Variants in RBFOX1 observed in about 807,000 individuals in gnomAD.
RBFOX1 encodes the protein RNA binding protein fox-1 homolog 1.
A neutral mutation model predicts 57.7 loss-of-function variants in RBFOX1; 8 were observed. That is an observed-to-expected ratio of 0.14 (90% CI 0.08 to 0.25). The LOEUF is 0.25. RBFOX1 is among the 10% of genes least tolerant of loss of function. The pLI, the probability that RBFOX1 is intolerant of heterozygous loss-of-function variation, is 1.00. For missense variants in RBFOX1, 611 were observed against 548.5 expected (o/e 1.11, Z -1.14); for synonymous variants, 326 against 222.4 (o/e 1.47, Z -4.15).
intron 3 of RBFOX1, among the ~76,000 whole-genome samples, chr16:6,726,949 G>T (rs1451840494): frequency 6.6e-6 from 1 of 151,686 alleles, no homozygotes; most frequent in Non-Finnish European, 1.5e-5. Context: ...ACTTTCTAAT[G>T]GCACAGCCTA....
intron 1 of RBFOX1, among the ~76,000 whole-genome samples, chr16:6,045,761 G>T (rs1488030632): frequency 6.6e-6 from 1 of 152,184 alleles, no homozygotes; most frequent in African/African-American, 2.4e-5. Context: ...TTAGGTGGAA[G>T]GTGTGGCTAC....
chr16:7,329,645 A>G (rs914547110), intron 4 of RBFOX1, among the ~76,000 whole-genome samples: 1 of 152,240 alleles, frequency 6.6e-6, no homozygotes, highest in African/African-American at 2.4e-5. Flanking sequence ...TACCGCAATC[A>G]TACAGGACAA....
chr16:5,585,790 T>A (rs1021132038), intron 2 of RBFOX1, among the ~76,000 whole-genome samples: 2 of 152,218 alleles, frequency 1.3e-5, no homozygotes, highest in Admixed American at 6.5e-5. Flanking sequence ...GAACTGCAGA[T>A]CCTTGGTCTT....
intron 1 of RBFOX1, among the ~76,000 whole-genome samples, chr16:5,448,158 T>C (rs1476197467): frequency 6.6e-6 from 1 of 152,210 alleles, no homozygotes; most frequent in Non-Finnish European, 1.5e-5. Context: ...GGCAGCCTAA[T>C]TTTTGGAAAT....
chr16:6,834,708 A>G (rs2092958852), intron 3 of RBFOX1, among the ~76,000 whole-genome samples: 2 of 152,170 alleles, frequency 1.3e-5, no homozygotes, highest in South Asian at 2.1e-4. Context: ...GCTAAGTGAT[A>G]TCTGGAGTTA....
chr16:5,817,005 A>G (rs1220494435), intron 3 of RBFOX1, among the ~76,000 whole-genome samples: 1 of 152,084 alleles, frequency 6.6e-6, no homozygotes, highest in African/African-American at 2.4e-5. Flanking sequence ...CTCTCCTCTC[A>G]TGCAAATAAA....
In RBFOX1 at chr16:6,471,340, T is replaced by C. The variant is rs559298766; in HGVS notation, c.-64+154283T>C. Among the ~76,000 whole-genome samples, 5 of 152,358 alleles carry C rather than the reference T, an allele frequency of 3.3e-5. No individual in the cohort carries two copies. In the South Asian group the frequency reaches 8.3e-4, roughly 25 times the overall value. On this transcript the variant is annotated intron_variant, in intron 2 of 15. Coordinates refer to ENST00000550418, the MANE Select transcript of RBFOX1 (RefSeq NM_018723.4). ...CAAGAGGCATCCTCTACCAAGTAGA[T>C]GCATAGCACAATTTATTCCATTCTG...
chr16:6,952,939 C>G (rs987318055), intron 3 of RBFOX1, among the ~76,000 whole-genome samples: 3 of 152,072 alleles, frequency 2.0e-5, no homozygotes, highest in African/African-American at 7.2e-5. Context: ...CCCCATTGCA[C>G]TCCAGCCTGG....
chr16:6,233,854 A>G (rs1056834668), intron 1 of RBFOX1, among the ~76,000 whole-genome samples: 2 of 152,124 alleles, frequency 1.3e-5, no homozygotes, highest in Admixed American at 1.3e-4. Context: ...TTCCTAAACC[A>G]TTTTATTACC....
In RBFOX1 at chr16:7,130,032, ATT is replaced by A. The variant is rs58634498; in HGVS notation, c.27+77951_27+77952del. The stretch of plus-strand genomic sequence containing the variant: ...CCTCTAATCTTCTTCATTTTTGAAG[ATT>A]TTTTTTTTTTTTTTTTGAGACAGAG... On this transcript the variant is annotated intron_variant, in intron 4 of 15. Coordinates refer to ENST00000550418, the MANE Select transcript of RBFOX1 (RefSeq NM_018723.4). Among the ~76,000 whole-genome samples, 626 of 133,300 alleles carry A rather than the reference ATT, an allele frequency of 4.7e-3. 13 individuals are homozygous for A. The East Asian group carries it at 0.068, about 15-fold the overall frequency. The allele number at this position is 133,300 out of a possible 152,430, so 87.4% of individuals were successfully genotyped here. A position where few individuals can be genotyped will look rare whatever the true frequency, so the allele number is the denominator to read the frequency against.
At chr16:6,274,378 T>A (rs2075566051) in intron 1 of RBFOX1, among the ~76,000 whole-genome samples, 1 of 151,906 alleles carries the variant, frequency 6.6e-6, no homozygotes, top group Admixed American at 6.6e-5. Flanking sequence ...CAAAAAGGAG[T>A]GGACTGTTGA....
At position 7,183,375 on chromosome 16, in the gene RBFOX1, C is replaced by G. The variant is rs975214333; in HGVS notation, c.27+131277C>G. On this transcript the variant is annotated intron_variant, in intron 4 of 15. Coordinates refer to ENST00000550418, the MANE Select transcript of RBFOX1 (RefSeq NM_018723.4). ...AGAAACAGAGGTAATTTTTTTCTAC[C>G]TGAAAATCTTTACCAGCACTTGAGG... Among the ~76,000 whole-genome samples, 34 of 152,124 alleles carry G rather than the reference C, an allele frequency of 2.2e-4. 1 individual carries two copies. The highest frequency in any genetic ancestry group is 2.2e-3 in the Admixed American group (34 of 15,272).
intron 3 of RBFOX1, among the ~76,000 whole-genome samples, chr16:5,645,479 G>A (rs73529737): frequency 0.041 from 6,297 of 152,236 alleles, 449 homozygotes; most frequent in African/African-American, 0.14. Flanking sequence ...TTTGCACACA[G>A]CTATGAATAT....
chr16:6,503,618 C>G (rs1469940848), intron 2 of RBFOX1, among the ~76,000 whole-genome samples: 1 of 152,164 alleles, frequency 6.6e-6, no homozygotes, highest in Non-Finnish European at 1.5e-5. Context: ...CTTGCTTAGG[C>G]TTGGTCAGCA....
intron 3 of RBFOX1, among the ~76,000 whole-genome samples, chr16:6,966,523 A>G (rs1450565515): frequency 1.3e-5 from 2 of 152,112 alleles, no homozygotes; most frequent in Non-Finnish European, 2.9e-5. Flanking sequence ...GGACGGGGGA[A>G]GACTGAGAGA....
intron 3 of RBFOX1, among the ~76,000 whole-genome samples, chr16:6,991,057 G>T (rs146687793): frequency 3.9e-4 from 58 of 147,752 alleles, no homozygotes; most frequent in African/African-American, 1.3e-3. Context: ...ATTCCAGTAC[G>T]TTGGGAGGCC....
At chr16:7,130,401 C>G (rs940530963) in intron 4 of RBFOX1, among the ~76,000 whole-genome samples, 1 of 152,146 alleles carries the variant, frequency 6.6e-6, no homozygotes, top group East Asian at 1.9e-4. Context: ...TCTGGAAATT[C>G]TCTGAGCGTA....
At chr16:5,479,512 A>G (rs868646974) in intron 2 of RBFOX1, among the ~76,000 whole-genome samples, 8 of 152,096 alleles carry the variant, frequency 5.3e-5, no homozygotes, top group African/African-American at 1.9e-4. Flanking sequence ...TAATCCCAGC[A>G]CTTTGGGAGG....
At chr16:7,461,271 G>C (rs952110601) in intron 4 of RBFOX1, among the ~76,000 whole-genome samples, 1 of 151,760 alleles carries the variant, frequency 6.6e-6, no homozygotes, top group African/African-American at 2.4e-5. Context: ...AGGTTCAAGC[G>C]ATTCTCCTGC....
Sources: gnomAD v4.1 joint callset for allele counts (sites outside exome capture counted in the v4.1 genomes callset) on GRCh38, gnomAD v4.1.1 for gene constraint, MANE v1.5 for transcripts, NCBI Gene and HGNC (gene_info 2026-07-23, HGNC 2026-07-21) for gene names.